TMEM250: variants seen among roughly 807,000 people sequenced by gnomAD.
TMEM250 encodes transmembrane protein 250.
In TMEM250, 7 loss-of-function variants were observed where a neutral mutation model predicts 7.0. The ratio of observed to expected loss-of-function variants is 1.00; its 90% CI spans 0.57 to 1.87. TMEM250 has a LOEUF of 1.87. Among genes scored for constraint, TMEM250 ranks in the 40% most tolerant of loss-of-function variants. The pLI is 0.00. For missense variants in TMEM250, 196 were observed against 202.5 expected (o/e 0.97, Z 0.19); for synonymous variants, 135 against 96.7 (o/e 1.40, Z -2.32).
Position 136,115,894 on chromosome 9 carries a change from G to A in TMEM250, c.*587C>T, listed in dbSNP as rs1449264152. 5.1e-6 allele frequency: 2 copies of A among 388,636 alleles called. No homozygotes were observed. Among genetic ancestry groups the A allele is most frequent in the Non-Finnish European group, 9.1e-6 (2 of 220,132 alleles). The allele number at this position is 388,636 out of a possible 1,614,324, so 24.1% of individuals were successfully genotyped here. A position where few individuals can be genotyped will look rare whatever the true frequency, so the allele number is the denominator to read the frequency against. ...CCCTGAAGGCTGGCTGGGGACTCAG[G>A]ACCCACACAGCCCCTCAGGATGACA... On this transcript the variant is annotated 3_prime_UTR_variant, in exon 2 of 2. Transcript: ENST00000418388.
At position 136,115,866 on chromosome 9, in the gene TMEM250, G is replaced by A. The variant is rs536320898; in HGVS notation, c.*615C>T. Reference sequence around the variant, plus strand: ...TAGACTGCATCTACACAATCCAAGGGGACCCTGAAGGCTGGCTGGGGACTC... The same window carrying A: ...TAGACTGCATCTACACAATCCAAGGAGACCCTGAAGGCTGGCTGGGGACTC... On this transcript the variant is annotated 3_prime_UTR_variant, in exon 2 of 2. Transcript: ENST00000418388. The A allele has an allele frequency of 1.2e-3, 435 of 364,552 alleles. 1 individual carries two copies. Among genetic ancestry groups the A allele is most frequent in the Middle Eastern group, 4.8e-3 (7 of 1,460 alleles). The allele number at this position is 364,552 out of a possible 1,614,324, so 22.6% of individuals were successfully genotyped here.
rs1830706042 is a variant in TMEM250 at position 136,116,594 on chromosome 9, G to GGCCCAGCA, written c.299_306dup (p.Arg103CysfsTer12). 6.2e-7 allele frequency: 1 copy of GGCCCAGCA among 1,604,198 alleles called. No individual in the cohort carries two copies. Among genetic ancestry groups the GGCCCAGCA allele is most frequent in the African/African-American group, 1.3e-5 (1 of 74,916 alleles). On this transcript the variant is annotated frameshift_variant, in exon 2 of 2. Transcript: ENST00000418388. LOFTEE classifies it high-confidence loss of function. Reference sequence around the variant, plus strand: ...ACCAGGCGGAAGTCCACGCGCCGGCGGCCCAGCAGCAGCAGCAGCACCGAC... The same window carrying GGCCCAGCA: ...ACCAGGCGGAAGTCCACGCGCCGGCGGCCCAGCAGCCCAGCAGCAGCAGCAGCACCGAC...
rs1216167592 is a variant in TMEM250 at position 136,116,788 on chromosome 9, T to C, written c.113A>G (p.Tyr38Cys). 3.1e-6 allele frequency: 5 copies of C among 1,612,168 alleles called. No individual in the cohort carries two copies. The highest frequency in any genetic ancestry group is 4.2e-6 in the Non-Finnish European group (5 of 1,179,688). The change falls in exon 2 of 2, where the codon TAC becomes TGC. Residue 38 changes from tyrosine to cysteine, a missense_variant. Physicochemically the swap from Tyr to Cys is radical, Grantham distance 194. Transcript: ENST00000418388. ...CTTGATGTACACGTCGAAGTTGTTG[T>C]ACTTGGTGCGGGCCAGGTGGGAGGC... is the stretch of plus-strand genomic sequence containing the variant. ...VRASHLARTK[Y>C]NNFDVYIKTR...
chr9:136,116,624 T>G lies in TMEM250; in HGVS notation c.277A>C (p.Lys93Gln). The change falls in exon 2 of 2, where the codon AAG becomes CAG. Residue 93 changes from lysine to glutamine, a missense_variant. Lys to Gln is a moderately conservative substitution (Grantham distance 53). Coordinates refer to ENST00000418388, the MANE Select transcript of TMEM250 (RefSeq NM_152833.3). ...AGCAGCAGCAGCAGCACCGACAGCT[T>G]GCGCTGGAAGCGCAGCAGGACGCGA... is the stretch of plus-strand genomic sequence containing the variant. The part of the protein sequence containing the change: ...GVRVLLRFQR[K>Q]LSVLLLLLGR... 1 of 1,609,058 alleles carries G rather than the reference T, an allele frequency of 6.2e-7. No homozygotes were observed. Among genetic ancestry groups the G allele is most frequent in the Non-Finnish European group, 8.5e-7 (1 of 1,179,634 alleles).
In TMEM250 at chr9:136,116,200, G is replaced by A; in HGVS notation, c.*281C>T. 1 of 544,350 alleles carries A rather than the reference G, an allele frequency of 1.8e-6. No homozygotes were observed. The highest frequency in any genetic ancestry group is 3.0e-5 in the South Asian group (1 of 32,882). The allele number at this position is 544,350 out of a possible 1,614,324, so 33.7% of individuals were successfully genotyped here. A position where few individuals can be genotyped will look rare whatever the true frequency, so the allele number is the denominator to read the frequency against. Reference sequence around the variant, plus strand: ...GGCCCACAGAGAGGCGGAACGGAGGGCCCACCCCGCAGTACGACCCGAAGA... The same window carrying A: ...GGCCCACAGAGAGGCGGAACGGAGGACCCACCCCGCAGTACGACCCGAAGA... On this transcript the variant is annotated 3_prime_UTR_variant, in exon 2 of 2. Transcript: ENST00000418388.
rs2131215511 is a variant in TMEM250 at position 136,116,527 on chromosome 9, A to G, written c.374T>C (p.Leu125Pro). Residue 125 changes from leucine (L) to proline (P), a missense_variant, in exon 2 of 2, where the codon CTG (leucine) becomes CCG (proline). Transcript: ENST00000418388. ...LVYGIHVTMLLVGGLGWCFMV... is the reference protein window; with the variant it reads ...LVYGIHVTMLPVGGLGWCFMV... ...GAAGCACCAGCCCAGGCCCCCGACC[A>G]GCAGCATGGTGACGTGGATGCCATA... is the stretch of plus-strand genomic sequence containing the variant. 1 of 1,587,766 alleles carries G rather than the reference A, an allele frequency of 6.3e-7. No individual in the cohort carries two copies. The highest frequency in any genetic ancestry group is 2.3e-5 in the East Asian group (1 of 44,340).
chr9:136,116,571 C>T lies in TMEM250; in HGVS notation c.330G>A (p.Leu110=). ...LLGRRRVDFR[L]VNELLVYGIH... is the part of the protein sequence containing the mutation. ...TGCCATAGACGAGCAGCTCGTTCAC[C>T]AGGCGGAAGTCCACGCGCCGGCGGC... The change falls in exon 2 of 2, where the codon CTG becomes CTA. Residue 110 remains leucine (L), a synonymous_variant. Transcript: ENST00000418388. 2 of 1,599,808 alleles carry T rather than the reference C, an allele frequency of 1.3e-6. No homozygotes were observed. The highest frequency in any genetic ancestry group is 1.7e-4 in the Middle Eastern group (1 of 6,046).
Position 136,116,858 on chromosome 9 carries a change from C to T in TMEM250, c.43G>A (p.Gly15Ser), listed in dbSNP as rs776403766. 1.9e-6 allele frequency: 3 copies of T among 1,583,086 alleles called. No homozygotes were observed. The highest frequency in any genetic ancestry group is 4.6e-5 in the East Asian group (2 of 43,068). Reference sequence around the variant, plus strand: ...GCATGCAGGCAGGTGGTGTGCGGGCCGTGGAAGGAGCGCACCCGCCGCGGA... The same window carrying T: ...GCATGCAGGCAGGTGGTGTGCGGGCTGTGGAAGGAGCGCACCCGCCGCGGA... ...PIPRRVRSFH[G>S]PHTTCLHAAC... Residue 15 changes from glycine (G) to serine (S), a missense_variant, in exon 2 of 2, where the codon GGC becomes AGC. Coordinates refer to ENST00000418388, the MANE Select transcript of TMEM250 (RefSeq NM_152833.3).
rs1464851436 is a variant in TMEM250, at chr9:136,116,819, C to A, written c.82G>T (p.Val28Leu). ...TTCLHAACGP[V>L]RASHLARTKY... Reference sequence around the variant, plus strand: ...GTGCGGGCCAGGTGGGAGGCGCGCACGGGCCCGCAGGCCGCATGCAGGCAG... The same window carrying A: ...GTGCGGGCCAGGTGGGAGGCGCGCAAGGGCCCGCAGGCCGCATGCAGGCAG... The change falls in exon 2 of 2, where the codon GTG (valine) becomes TTG (leucine). Residue 28 changes from valine (V) to leucine (L), a missense_variant. Val to Leu is a conservative substitution (Grantham distance 32). Coordinates refer to ENST00000418388, the MANE Select transcript of TMEM250 (RefSeq NM_152833.3). The A allele has an allele frequency of 6.2e-7, 1 of 1,609,006 alleles. No individual in the cohort carries two copies. The highest frequency in any genetic ancestry group is 8.5e-7 in the Non-Finnish European group (1 of 1,178,790).
chr9:136,115,943 T>A lies in TMEM250; in HGVS notation c.*538A>T, dbSNP rs1588597365. The A allele has an allele frequency of 2.5e-6, 1 of 399,478 alleles. No individual in the cohort carries two copies. The allele number at this position is 399,478 out of a possible 1,614,324, so 24.7% of individuals were successfully genotyped here. ...CACACACAGGGTGGTCCGCGGGCAG[T>A]GCCAGGCCTCAGGCGGCCCAGGGCA... On this transcript the variant is annotated 3_prime_UTR_variant, in exon 2 of 2. Transcript: ENST00000418388.
In TMEM250 at chr9:136,116,414, C is replaced by T. The variant is rs1243601904; in HGVS notation, c.*67G>A. 1.0e-5 allele frequency: 15 copies of T among 1,446,840 alleles called. No individual in the cohort carries two copies. The South Asian group carries it at 1.3e-4, about 12-fold the overall frequency. The allele number at this position is 1,446,840 out of a possible 1,614,324, so 89.6% of individuals were successfully genotyped here. A position where few individuals can be genotyped will look rare whatever the true frequency, so the allele number is the denominator to read the frequency against. On this transcript the variant is annotated 3_prime_UTR_variant, in exon 2 of 2. Transcript: ENST00000418388. Reference sequence around the variant, plus strand: ...GGATGGGCGAAGGGAAGGCGCTGGCCGACCCCACCCATGGAGAGAACACAG... The same window carrying T: ...GGATGGGCGAAGGGAAGGCGCTGGCTGACCCCACCCATGGAGAGAACACAG...
At position 136,118,785 on chromosome 9, in the gene TMEM250, T is replaced by G. The variant is rs896511080; in HGVS notation, c.-425A>C. On this transcript the variant is annotated 5_prime_UTR_variant, in exon 1 of 2. Transcript: ENST00000418388. Reference sequence around the variant, plus strand: ...CACCGTAGGGCGGCCTCACGCCCCCTCCACCCGCGCCGACCGAGCCGCACT... The same window carrying G: ...CACCGTAGGGCGGCCTCACGCCCCCGCCACCCGCGCCGACCGAGCCGCACT... 1 of 151,818 alleles carries G rather than the reference T, an allele frequency of 6.6e-6. No individual in the cohort carries two copies. The highest frequency in any genetic ancestry group is 1.5e-5 in the Non-Finnish European group (1 of 67,930). 9.4% of individuals were successfully genotyped at this position (151,818 alleles called of 1,614,324 possible). A position where few individuals can be genotyped will look rare whatever the true frequency, so the allele number is the denominator to read the frequency against.
chr9:136,117,978 G>A (rs565665646), intron 1 of TMEM250: 2 of 152,422 alleles, frequency 1.3e-5, no homozygotes, highest in Admixed American at 1.3e-4. Flanking sequence ...CCTGCCTTCA[G>A]ATTCAGCCTG....
In TMEM250 at chr9:136,116,380, C is replaced by G; in HGVS notation, c.*101G>C. On this transcript the variant is annotated 3_prime_UTR_variant, in exon 2 of 2. Transcript: ENST00000418388. ...CTCCGTGGGCGCCGGGCAGCAGCGA[C>G]TGCCTGGGGGATGGGCGAAGGGAAG... The G allele has an allele frequency of 7.0e-7, 1 of 1,432,000 alleles. No individual in the cohort carries two copies. Among genetic ancestry groups the G allele is most frequent in the South Asian group, 1.5e-5 (1 of 67,704 alleles). The allele number at this position is 1,432,000 out of a possible 1,614,324, so 88.7% of individuals were successfully genotyped here.
At position 136,114,590 on chromosome 9, in the gene TMEM250, A is replaced by G. The variant is rs1830666420; in HGVS notation, c.*1891T>C. 1 of 152,222 alleles carries G rather than the reference A, an allele frequency of 6.6e-6. No homozygotes were observed. Among genetic ancestry groups the G allele is most frequent in the African/African-American group, 2.4e-5 (1 of 41,444 alleles). The allele number at this position is 152,222 out of a possible 1,614,324, so 9.4% of individuals were successfully genotyped here. A position where few individuals can be genotyped will look rare whatever the true frequency, so the allele number is the denominator to read the frequency against. On this transcript the variant is annotated 3_prime_UTR_variant, in exon 2 of 2. Transcript: ENST00000418388. ...AACTTTAAGCAATCACTCCATCAAC[A>G]CATTAAAAAAATAGGTTTAATGCAG...
rs777325354 is a variant in TMEM250 at position 136,115,973 on chromosome 9, A to T, written c.*508T>A. ...GGCCTCAGGCGGCCCAGGGCAGAGT[A>T]AGCAGCTTTGTGGCAGTGTGGTGTG... On this transcript the variant is annotated 3_prime_UTR_variant, in exon 2 of 2. Coordinates refer to ENST00000418388, the MANE Select transcript of TMEM250 (RefSeq NM_152833.3). The T allele has an allele frequency of 2.5e-6, 1 of 404,982 alleles. No individual in the cohort carries two copies. Among genetic ancestry groups the T allele is most frequent in the Non-Finnish European group, 4.3e-6 (1 of 230,780 alleles). The allele number at this position is 404,982 out of a possible 1,614,324, so 25.1% of individuals were successfully genotyped here. A position where few individuals can be genotyped will look rare whatever the true frequency, so the allele number is the denominator to read the frequency against.
In TMEM250 at chr9:136,114,811, A is replaced by G. The variant is rs1193962029; in HGVS notation, c.*1670T>C. ...ACTCTGAGTAATACGTTAACAAAAA[A>G]CAAAGCTTCTTTGAGGAAACAGCAT... is the stretch of plus-strand genomic sequence containing the variant. On this transcript the variant is annotated 3_prime_UTR_variant, in exon 2 of 2. Transcript: ENST00000418388. 6.6e-6 allele frequency: 1 copy of G among 152,198 alleles called. No homozygotes were observed. The highest frequency in any genetic ancestry group is 1.9e-4 in the East Asian group (1 of 5,180). The allele number at this position is 152,198 out of a possible 1,614,324, so 9.4% of individuals were successfully genotyped here.
rs1830701531 is a variant in TMEM250, at chr9:136,116,435, C to G, written c.*46G>C. 6.8e-7 allele frequency: 1 copy of G among 1,474,044 alleles called. No homozygotes were observed. Among genetic ancestry groups the G allele is most frequent in the Non-Finnish European group, 9.0e-7 (1 of 1,112,604 alleles). The allele number at this position is 1,474,044 out of a possible 1,614,324, so 91.3% of individuals were successfully genotyped here. Reference sequence around the variant, plus strand: ...TGGCCGACCCCACCCATGGAGAGAACACAGCCACAGGCCGGGACGATACAT... The same window carrying G: ...TGGCCGACCCCACCCATGGAGAGAAGACAGCCACAGGCCGGGACGATACAT... On this transcript the variant is annotated 3_prime_UTR_variant, in exon 2 of 2. Transcript: ENST00000418388.
In TMEM250 at chr9:136,116,962, G is replaced by C; in HGVS notation, c.-62C>G. The C allele has an allele frequency of 7.2e-7, 1 of 1,396,322 alleles. No homozygotes were observed. Among genetic ancestry groups the C allele is most frequent in the Non-Finnish European group, 9.2e-7 (1 of 1,082,928 alleles). The allele number at this position is 1,396,322 out of a possible 1,614,324, so 86.5% of individuals were successfully genotyped here. A position where few individuals can be genotyped will look rare whatever the true frequency, so the allele number is the denominator to read the frequency against. The stretch of plus-strand genomic sequence containing the variant: ...GGCGGCGGTGTCCAGGCGGCTGTTG[G>C]CGTAGGGGTCATGGGCGCCTAGGCC... On this transcript the variant is annotated 5_prime_UTR_variant, in exon 2 of 2. Coordinates refer to ENST00000418388, the MANE Select transcript of TMEM250 (RefSeq NM_152833.3).
Sources: allele counts gnomAD v4.1 joint callset, GRCh38; gene constraint gnomAD v4.1.1; transcripts MANE v1.5; gene names NCBI Gene and HGNC (gene_info 2026-07-23, HGNC 2026-07-21).